The following GPHN variants were observed in gnomAD, a reference collection of about 807,000 sequenced individuals.
GPHN encodes gephyrin.
A neutral mutation model predicts 95.5 loss-of-function variants in GPHN; 17 were observed. That is an observed-to-expected ratio of 0.18 (90% CI 0.12 to 0.27). GPHN has a LOEUF of 0.27. Ranked by LOEUF, GPHN falls within the 10% of genes least tolerant of loss-of-function variation. The probability of loss-of-function intolerance (pLI) is 1.00; values close to 1 mark genes in which losing one functional copy is unlikely to be tolerated. For synonymous variants in GPHN, 320 were observed against 322.5 expected (o/e 0.99, Z 0.08); for missense variants, 660 against 978.1 (o/e 0.67, Z 4.34).
the GPHN span, among the ~76,000 whole-genome samples, chr14:67,211,084 A>G: frequency 6.6e-6 from 1 of 152,166 alleles, no homozygotes; most frequent in Non-Finnish European, 1.5e-5. Context: ...TAGCTCTATG[A>G]TCTTGGGCAA....
intron 2 of GPHN, among the ~76,000 whole-genome samples, chr14:66,776,152 C>CT (rs1390186498): frequency 6.6e-6 from 1 of 152,070 alleles, no homozygotes; most frequent in Non-Finnish European, 1.5e-5. Flanking sequence ...CTGTCAGTTC[C>CT]TGATGCATGT....
At chr14:66,706,074 G>A (rs2069051051) in intron 2 of GPHN, among the ~76,000 whole-genome samples, 1 of 151,970 alleles carries the variant, frequency 6.6e-6, no homozygotes, top group East Asian at 1.9e-4. Context: ...TCGCTACAAA[G>A]AATAAAATAC....
the GPHN span, among the ~76,000 whole-genome samples, chr14:67,208,768 G>A: frequency 6.6e-6 from 1 of 151,918 alleles, no homozygotes; most frequent in Admixed American, 6.6e-5. Context: ...GCGGTGGCGG[G>A]CACCTGTAAT....
chr14:67,150,521 T>G (rs1199778690), intron 18 of GPHN, among the ~76,000 whole-genome samples: 1 of 151,640 alleles, frequency 6.6e-6, no homozygotes, highest in African/African-American at 2.4e-5. Flanking sequence ...GATCACAGTT[T>G]TATACTTTTT....
At position 66,946,181 on chromosome 14, in the gene GPHN, G is replaced by A. The variant is rs543181857; in HGVS notation, c.829-19010G>A. Among the ~76,000 whole-genome samples, 20 of 152,154 alleles carry A rather than the reference G, an allele frequency of 1.3e-4. No homozygotes were observed. In the East Asian group the frequency reaches 3.9e-3, roughly 29 times the overall value. On this transcript the variant is annotated intron_variant, in intron 8 of 22. Transcript: ENST00000478722. The stretch of plus-strand genomic sequence containing the variant: ...AAATATTTTTTTTAAAAGCATGAAA[G>A]GTAATACAGTTGTTAAGAAGTGAGG...
chr14:67,452,859 A>G, the GPHN span, among the ~76,000 whole-genome samples: 1 of 152,240 alleles, frequency 6.6e-6, no homozygotes. Context: ...CCAAGATCAC[A>G]TAGACAGGAA....
At chr14:66,849,038 A>C (rs1049298810) in intron 4 of GPHN, among the ~76,000 whole-genome samples, 2 of 151,878 alleles carry the variant, frequency 1.3e-5, no homozygotes, top group African/African-American at 4.8e-5. Flanking sequence ...TTTAATCCAC[A>C]CAAGCCTACA....
At chr14:66,753,658 G>A (rs1270726915) in intron 2 of GPHN, among the ~76,000 whole-genome samples, 2 of 151,878 alleles carry the variant, frequency 1.3e-5, no homozygotes, top group Non-Finnish European at 2.9e-5. Flanking sequence ...CAGCAATCAC[G>A]CAGCTAGAAA....
chr14:66,721,951 CAAAAAAAAAAA>C (rs35174343), intron 2 of GPHN, among the ~76,000 whole-genome samples: 3 of 60,122 alleles, frequency 5.0e-5, no homozygotes, highest in Non-Finnish European at 8.2e-5. Flanking sequence ...AACTCTGTCT[CAAAAAAAAAAA>C]AAAAAAAAAG....
chr14:67,628,385 C>T, the GPHN span, among the ~76,000 whole-genome samples: 1 of 152,062 alleles, frequency 6.6e-6, no homozygotes, highest in Non-Finnish European at 1.5e-5. Context: ...CCACTGTGCT[C>T]GGCTGCAGAT....
the GPHN span, among the ~76,000 whole-genome samples, chr14:67,463,570 C>G: frequency 7.7e-6 from 1 of 129,240 alleles, no homozygotes; most frequent in Non-Finnish European, 1.5e-5. Flanking sequence ...ACCTGGGAGG[C>G]GGAGGTTGCA....
chr14:66,691,713 G>A (rs565188613), intron 2 of GPHN, among the ~76,000 whole-genome samples: 1 of 152,114 alleles, frequency 6.6e-6, no homozygotes, highest in African/African-American at 2.4e-5. Flanking sequence ...TACAGAAAAC[G>A]TTGCTGACAA....
chr14:66,569,391 G>A (rs1595012602), intron 1 of GPHN, among the ~76,000 whole-genome samples: 1 of 152,186 alleles, frequency 6.6e-6, no homozygotes, highest in South Asian at 2.1e-4. Flanking sequence ...AGGCCGAGGC[G>A]GTGGCTCATG....
chr14:67,015,912 A>G (rs10142059), intron 9 of GPHN, among the ~76,000 whole-genome samples: 50,304 of 152,056 alleles, frequency 0.33, 13,417 homozygotes, highest in African/African-American at 0.72. Context: ...TGGGAAAAGC[A>G]CAACTGAAGC....
the GPHN span, among the ~76,000 whole-genome samples, chr14:67,526,863 A>G: frequency 6.6e-6 from 1 of 152,058 alleles, no homozygotes; most frequent in Admixed American, 6.6e-5. Context: ...CCCCTTTTAC[A>G]AAGAGGGGAG....
the GPHN span, among the ~76,000 whole-genome samples, chr14:67,609,963 C>T: frequency 2.4e-4 from 36 of 152,262 alleles, no homozygotes; most frequent in Admixed American, 2.0e-3. Flanking sequence ...AGCCCAGTCC[C>T]TTCCTTTCAA....
At chr14:66,664,989 CAAAAAAAAAAA>C (rs937401198) in intron 1 of GPHN, among the ~76,000 whole-genome samples, 15 of 54,898 alleles carry the variant, frequency 2.7e-4, no homozygotes, top group African/African-American at 5.5e-4. Context: ...GCCTACCAAC[CAAAAAAAAAAA>C]AAAAAAAAAA....
chr14:67,650,889 A>G, the GPHN span: 1 of 1,614,124 alleles, frequency 6.2e-7, no homozygotes, highest in Non-Finnish European at 8.5e-7. Flanking sequence ...TCACCAGATG[A>G]ATCAGAAAAT....
intron 3 of GPHN, among the ~76,000 whole-genome samples, chr14:66,799,170 A>G (rs2060259764): frequency 6.6e-6 from 1 of 151,984 alleles, no homozygotes; most frequent in African/African-American, 2.4e-5. Flanking sequence ...CATTGTGGTC[A>G]GAGAAGATGC....
Sources: allele counts gnomAD v4.1 joint callset (sites outside exome capture counted in the v4.1 genomes callset), GRCh38; gene constraint gnomAD v4.1.1; transcripts MANE v1.5; gene names NCBI Gene and HGNC (gene_info 2026-07-23, HGNC 2026-07-21).